The following HAVCR1 variants were observed in gnomAD, a reference collection of about 807,000 sequenced individuals.
HAVCR1 encodes the protein hepatitis A virus cellular receptor 1, also known as T cell immunoglobin domain and mucin domain protein 1.
In HAVCR1, 34 loss-of-function variants were observed where a neutral mutation model predicts 32.0. The observed-to-expected ratio is 1.06, with a 90% CI of 0.81 to 1.42. The LOEUF is 1.42. HAVCR1 is among the 40% of genes most tolerant of loss of function. HAVCR1 has a pLI of 0.00. For missense variants in HAVCR1, 420 were observed against 442.3 expected (o/e 0.95, Z 0.45); for synonymous variants, 178 against 170.3 (o/e 1.05, Z -0.35).
At position 157,055,535 on chromosome 5, in the gene HAVCR1, T is replaced by C; in HGVS notation, c.47-2A>G. The C allele has an allele frequency of 1.9e-6, 3 of 1,540,358 alleles. No individual in the cohort carries two copies. The highest frequency in any genetic ancestry group is 1.8e-6 in the Non-Finnish European group (2 of 1,136,376). ...CCTTTACAGAACCAGCTACAGAATC[T>C]GCAAAGAAGAAAAGACAAACTGAGA... On this transcript the variant is annotated splice_acceptor_variant, in intron 2 of 8. Coordinates refer to ENST00000523175, the MANE Select transcript of HAVCR1 (RefSeq NM_001173393.3). LOFTEE classifies it high-confidence loss of function.
rs373345404 is a variant in HAVCR1 at position 157,052,546 on chromosome 5, G to A, written c.488C>T (p.Thr163Met). 1.9e-5 allele frequency: 31 copies of A among 1,593,722 alleles called. No individual in the cohort carries two copies. The African/African-American group carries it at 2.2e-4, about 11-fold the overall frequency. ...GCTCATTGTTGTTGGAACAGTTGTC[G>A]TTGGAACAGTCGTCATTGGAACAGT... ...TTTVPMTTVP[T>M]TTVPTTMSIP... The change falls in exon 4 of 9, where the codon ACG (threonine) becomes ATG (methionine). Residue 163 changes from threonine (T) to methionine (M), a missense_variant. Physicochemically the swap from Thr to Met is moderately conservative, Grantham distance 81. Coordinates refer to ENST00000523175, the MANE Select transcript of HAVCR1 (RefSeq NM_001173393.3).
intron 6 of HAVCR1, among the ~76,000 whole-genome samples, chr5:157,039,422 C>A (rs1214999662): frequency 6.6e-6 from 1 of 152,198 alleles, no homozygotes; most frequent in East Asian, 1.9e-4. Context: ...AATCTCGGCT[C>A]ACTGCAATCT....
intron 5 of HAVCR1, 96 bp from the exon 6 acceptor site, chr5:157,042,778 A>G: frequency 1.3e-6 from 1 of 744,708 alleles, no homozygotes; most frequent in Non-Finnish European, 2.3e-6. Flanking sequence ...TGGCGATGAA[A>G]AGTTGAATGA....
chr5:157,068,243 C>G, the HAVCR1 span, among the ~76,000 whole-genome samples: 1 of 152,026 alleles, frequency 6.6e-6, no homozygotes, highest in Admixed American at 6.6e-5. Context: ...CACTGCACCC[C>G]AGCCTGGGTG....
At chr5:157,065,972 C>G in the HAVCR1 span, among the ~76,000 whole-genome samples, 1 of 148,758 alleles carries the variant, frequency 6.7e-6, no homozygotes, top group African/African-American at 2.5e-5. Context: ...AGGAGAATGG[C>G]GTGAACCTGG....
At chr5:157,040,015 G>A (rs545097478) in intron 6 of HAVCR1, among the ~76,000 whole-genome samples, 33 of 152,188 alleles carry the variant, frequency 2.2e-4, no homozygotes, top group South Asian at 6.2e-4. Context: ...TAACCTCACC[G>A]GCCAGGCGCG....
At chr5:157,048,515 C>A (rs978841174) in intron 5 of HAVCR1, among the ~76,000 whole-genome samples, 1 of 152,168 alleles carries the variant, frequency 6.6e-6, no homozygotes, top group African/African-American at 2.4e-5. Context: ...TCTGCAAGAT[C>A]TTGGTATTAC....
chr5:157,051,326 A>C (rs899578805), intron 4 of HAVCR1, among the ~76,000 whole-genome samples: 2 of 152,174 alleles, frequency 1.3e-5, no homozygotes, highest in Non-Finnish European at 2.9e-5. Context: ...TGAAGTAAAA[A>C]TGTGTAAGTC....
intron 1 of HAVCR1, among the ~76,000 whole-genome samples, chr5:157,058,686 A>T (rs898642223): frequency 6.6e-6 from 1 of 152,254 alleles, no homozygotes; most frequent in African/African-American, 2.4e-5. Flanking sequence ...TGCTTTTCAG[A>T]GTAAACTGGG....
At chr5:157,046,751 T>A (rs1314822114) in intron 5 of HAVCR1, among the ~76,000 whole-genome samples, 1 of 152,108 alleles carries the variant, frequency 6.6e-6, no homozygotes, top group Non-Finnish European at 1.5e-5. Flanking sequence ...GGGGGAAGGG[T>A]CAAACAAGTT....
the HAVCR1 span, among the ~76,000 whole-genome samples, chr5:157,064,711 A>G: frequency 6.6e-6 from 1 of 152,146 alleles, no homozygotes; most frequent in African/African-American, 2.4e-5. Flanking sequence ...TACTAAAAAT[A>G]CAAAAATTTA....
chr5:157,044,682 G>GAGGGAGGA, intron 5 of HAVCR1, among the ~76,000 whole-genome samples: 1 of 107,274 alleles, frequency 9.3e-6, no homozygotes, highest in Non-Finnish European at 2.0e-5. Context: ...AGAAAGGAGG[G>GAGGGAGGA]AGGGAGGAAG....
chr5:157,056,492 G>A (rs193192832), intron 2 of HAVCR1, among the ~76,000 whole-genome samples: 3,785 of 150,532 alleles, frequency 0.025, 63 homozygotes, highest in South Asian at 0.055. Context: ...CCATTCTCCC[G>A]CCTCAGCCTC....
chr5:157,053,019 C>T (rs1755864664), intron 3 of HAVCR1, among the ~76,000 whole-genome samples: 1 of 152,174 alleles, frequency 6.6e-6, no homozygotes, highest in African/African-American at 2.4e-5. Context: ...CTGAAGCAAT[C>T]CTCCTGTGTC....
rs73815912 is a variant in HAVCR1, at chr5:157,052,477, G to A, written c.557C>T (p.Thr186Met). ...CGTTGTCGTTGGAACGCTCGTTGTC[G>A]TTGAAACAGTCATTGTCGTCAGAAC... ...TTVLTTMTVS[T>M]TTSVPTTTSI... The change falls in exon 4 of 9, where the codon ACG becomes ATG. Residue 186 changes from threonine (T) to methionine (M), a missense_variant. Physicochemically the swap from Thr to Met is moderately conservative, Grantham distance 81. Transcript: ENST00000523175. 3.8e-3 allele frequency: 6,105 copies of A among 1,603,226 alleles called. 201 individuals are homozygous for A. The African/African-American group carries it at 0.071, about 19-fold the overall frequency.
In HAVCR1 at chr5:157,044,672, A is replaced by AG. The variant is rs1424477084; in HGVS notation, c.782-1991dup. 5.6e-4 allele frequency among the ~76,000 whole-genome samples: 48 copies of AG among 85,998 alleles called. 1 individual carries two copies. Among genetic ancestry groups the AG allele is most frequent in the East Asian group, 2.6e-3 (3 of 1,164 alleles). 56.4% of individuals were successfully genotyped at this position (85,998 alleles called of 152,430 possible). On this transcript the variant is annotated intron_variant, in intron 5 of 8. Transcript: ENST00000523175. Reference sequence around the variant, plus strand: ...AAGAAAGAAAGAAAGAAAGAAAGAAAGAAAGGAGGGAGGGAGGAAGGAAGG... The same window carrying AG: ...AAGAAAGAAAGAAAGAAAGAAAGAAAGGAAAGGAGGGAGGGAGGAAGGAAGG...
intron 7 of HAVCR1, among the ~76,000 whole-genome samples, chr5:157,033,430 G>A (rs896140447): frequency 6.6e-6 from 1 of 152,106 alleles, no homozygotes; most frequent in African/African-American, 2.4e-5. Context: ...AATTCAAAGT[G>A]AGAGCACCTG....
chr5:157,029,911 C>A, intron 8 of HAVCR1, 70 bp from the exon 9 acceptor site: 1 of 1,339,062 alleles, frequency 7.5e-7, no homozygotes, highest in Non-Finnish European at 1.0e-6. Context: ...ATATAAGCTG[C>A]ACTTTTGTTT....
chr5:157,053,559 T>C (rs1264949253), intron 3 of HAVCR1, among the ~76,000 whole-genome samples: 1 of 151,842 alleles, frequency 6.6e-6, no homozygotes, highest in Non-Finnish European at 1.5e-5. Context: ...AAGACCTTAG[T>C]GGAAGAAGAT....
Sources: allele counts gnomAD v4.1 joint callset (sites outside exome capture counted in the v4.1 genomes callset), GRCh38; gene constraint gnomAD v4.1.1; transcripts MANE v1.5; gene names NCBI Gene and HGNC (gene_info 2026-07-23, HGNC 2026-07-21).